Variants in RPA2 observed in about 807,000 individuals in gnomAD.
The protein encoded by RPA2 is replication protein A 32 kDa subunit.
Under a neutral mutation model 33.4 loss-of-function variants are expected in RPA2, and 22 were observed. The observed-to-expected ratio is 0.66, with a 90% CI of 0.47 to 0.94. RPA2 has a LOEUF of 0.94. Ranked by LOEUF, RPA2 falls within the 40% of genes least tolerant of loss-of-function variation. RPA2 has a pLI of 0.00. For synonymous variants in RPA2, 109 were observed against 114.9 expected, an observed-to-expected ratio of 0.95 and a Z score of 0.33; for missense variants, 279 against 329.9, an observed-to-expected ratio of 0.85 and a Z score of 1.19.
At chr1:27,907,816 T>C (rs1196702756) in intron 2 of RPA2, among the ~76,000 whole-genome samples, 2 of 152,120 alleles carry the variant, frequency 1.3e-5, no homozygotes, top group Non-Finnish European at 2.9e-5. Context: ...CCTGGGGAAA[T>C]GGAGTAAGAG....
rs1241073960 is a variant in RPA2 at position 27,892,256 on chromosome 1, AAAG to A, written c.729-12_729-10del. On this transcript the variant is annotated splice_polypyrimidine_tract_variant and intron_variant, in intron 8 of 8. Coordinates refer to ENST00000373912, the MANE Select transcript of RPA2 (RefSeq NM_002946.5). ...GAAAATCCACAGCTTGCCTAGAAAG[AAAG>A]AAGAAAAAAAAAAGGTCATTTTCAG... 3.7e-6 allele frequency: 6 copies of A among 1,610,600 alleles called. No individual in the cohort carries two copies. In the East Asian group the frequency reaches 6.7e-5, roughly 18 times the overall value.
intron 4 of RPA2, among the ~76,000 whole-genome samples, chr1:27,899,274 T>C (rs530974655): frequency 6.6e-6 from 1 of 151,176 alleles, no homozygotes; most frequent in Non-Finnish European, 1.5e-5. Flanking sequence ...TTTGGGAGGC[T>C]GAGGCGGGCG....
intron 2 of RPA2, among the ~76,000 whole-genome samples, chr1:27,909,583 G>A (rs190387798): frequency 9.2e-4 from 140 of 152,162 alleles, no homozygotes; most frequent in East Asian, 2.3e-3. Flanking sequence ...GTGTGGTGGC[G>A]CATGCCTGTA....
At chr1:27,898,872 A>G in intron 4 of RPA2, among the ~76,000 whole-genome samples, 1 of 151,884 alleles carries the variant, frequency 6.6e-6, no homozygotes, top group Admixed American at 6.6e-5. Context: ...GCTGATTTTT[A>G]AAGTTCTTTT....
At chr1:27,914,684 T>G (rs2090149020), upstream of RPA2, 4 of 1,612,598 alleles carry the variant, frequency 2.5e-6, no homozygotes, top group South Asian at 3.3e-5. Context: ...CGTACTGCGC[T>G]CCCAGTTGGC....
At position 27,914,070 on chromosome 1, in the gene RPA2, T is replaced by C; in HGVS notation, c.110A>G (p.Lys37Arg). Residue 37 changes from lysine (K) to arginine (R), a missense_variant, in exon 2 of 9, where the codon AAG becomes AGG. Lys to Arg is a conservative substitution (Grantham distance 26). Coordinates refer to ENST00000373912, the MANE Select transcript of RPA2 (RefSeq NM_002946.5). ...ATACTCCTTTCAACCTACTGATTTCTTTTCGGCTTGAGAAGGTGCGGGCGA... is the reference window on the plus strand; with the variant it reads ...ATACTCCTTTCAACCTACTGATTTCCTTTCGGCTTGAGAAGGTGCGGGCGA... The part of the protein sequence containing the change: ...FGSPAPSQAE[K>R]KSRARAQHIV... 1 of 1,593,344 alleles carries C rather than the reference T, an allele frequency of 6.3e-7. No homozygotes were observed. Among genetic ancestry groups the C allele is most frequent in the Non-Finnish European group, 8.5e-7 (1 of 1,170,318 alleles).
intron 8 of RPA2, 63 bp downstream of exon 8, chr1:27,893,949 A>G (rs2089857147): frequency 3.6e-6 from 5 of 1,392,078 alleles, no homozygotes; most frequent in Non-Finnish European, 4.1e-6. Flanking sequence ...ACTATCAGGA[A>G]ACCCTTGTGA....
intron 2 of RPA2, among the ~76,000 whole-genome samples, chr1:27,908,153 G>T (rs563009543): frequency 6.6e-6 from 1 of 151,934 alleles, no homozygotes; most frequent in East Asian, 1.9e-4. Context: ...TTGAGATGGG[G>T]TCTTGTTCTG....
At chr1:27,897,600 A>T in intron 5 of RPA2, 33 bp downstream of exon 5, 1 of 1,521,914 alleles carries the variant, frequency 6.6e-7, no homozygotes, top group South Asian at 1.3e-5. Flanking sequence ...TTCATGCAAA[A>T]ACACTTTAAC....
Position 27,914,092 on chromosome 1 carries a change from G to T in RPA2, c.88C>A (p.Pro30Thr), listed in dbSNP as rs199857202. ...TTCTTTTCGGCTTGAGAAGGTGCGG[G>T]CGATCCAAAGCCCCCCGGGGACTGC... ...YTQSPGGFGS[P>T]APSQAEKKSR... The change falls in exon 2 of 9, where the codon CCC (proline) becomes ACC (threonine). Residue 30 changes from proline (P) to threonine (T), a missense_variant. Pro to Thr is a conservative substitution (Grantham distance 38, BLOSUM62 -1). Around this residue, in one of 2 missense-constraint regions of RPA2, gnomAD observed 274 missense variants for 310.3 expected, o/e 0.88. Transcript: ENST00000373912. 6 of 1,605,306 alleles carry T rather than the reference G, an allele frequency of 3.7e-6. No individual in the cohort carries two copies. In the South Asian group the frequency reaches 6.6e-5, roughly 18 times the overall value.
chr1:27,893,435 A>G (rs1048814075), intron 8 of RPA2, among the ~76,000 whole-genome samples: 1 of 151,544 alleles, frequency 6.6e-6, no homozygotes, highest in African/African-American at 2.4e-5. Flanking sequence ...CCTCCTGGGT[A>G]GCTGGGACTA....
At chr1:27,912,999 C>T (rs182326409) in intron 2 of RPA2, among the ~76,000 whole-genome samples, 139 of 152,276 alleles carry the variant, frequency 9.1e-4, no homozygotes, top group Admixed American at 6.4e-3. Context: ...ATCACCCAGG[C>T]TGGAGTGCAG....
intron 2 of RPA2, among the ~76,000 whole-genome samples, chr1:27,909,175 G>A (rs1170367897): frequency 6.6e-6 from 1 of 152,168 alleles, no homozygotes; most frequent in Non-Finnish European, 1.5e-5. Flanking sequence ...GAAGCCAAGA[G>A]GAAGTGGACC....
chr1:27,897,185 T>C, intron 5 of RPA2, 64 bp from the exon 6 acceptor site: 1 of 1,082,116 alleles, frequency 9.2e-7, no homozygotes, highest in Non-Finnish European at 1.4e-6. Flanking sequence ...AGGTCAACAC[T>C]GTGGCTCTTT....
chr1:27,895,547 C>T (rs2089879936), intron 6 of RPA2, among the ~76,000 whole-genome samples: 1 of 151,844 alleles, frequency 6.6e-6, no homozygotes, highest in Non-Finnish European at 1.5e-5. Flanking sequence ...AACCCCTTCT[C>T]TACTAAAAAT....
intron 6 of RPA2, among the ~76,000 whole-genome samples, chr1:27,896,025 T>C (rs1384340681): frequency 6.6e-6 from 1 of 152,182 alleles, no homozygotes; most frequent in African/African-American, 2.4e-5. Flanking sequence ...CCTCTTCTCC[T>C]GTTTTATTTA....
At chr1:27,897,242 A>T in intron 5 of RPA2, 121 bp from the exon 6 acceptor site, 1 of 690,784 alleles carries the variant, frequency 1.4e-6, no homozygotes, top group Non-Finnish European at 2.4e-6. Flanking sequence ...AAAATGTTAT[A>T]TACTCTCAGA....
At chr1:27,902,842 AC>A (rs2089983974) in intron 4 of RPA2, among the ~76,000 whole-genome samples, 1 of 152,196 alleles carries the variant, frequency 6.6e-6, no homozygotes, top group African/African-American at 2.4e-5. Flanking sequence ...TTTAGAGAAG[AC>A]AGTACAAAAA....
At chr1:27,913,474 G>A (rs2090126232) in intron 2 of RPA2, among the ~76,000 whole-genome samples, 2 of 151,510 alleles carry the variant, frequency 1.3e-5, no homozygotes, top group Non-Finnish European at 2.9e-5. Context: ...TGTAATCCCA[G>A]CTACTCGGGA....
Sources: allele counts gnomAD v4.1 joint callset (sites outside exome capture counted in the v4.1 genomes callset), GRCh38; gene constraint gnomAD v4.1.1; regional missense constraint gnomAD v4.1.1; transcripts MANE v1.5; gene names NCBI Gene and HGNC (gene_info 2026-07-23, HGNC 2026-07-21).